Variants in TOP6BL observed in about 807,000 individuals in gnomAD.
The protein encoded by TOP6BL is type 2 DNA topoisomerase 6 subunit B-like.
the TOP6BL span, among the ~76,000 whole-genome samples, chr11:66,764,649 T>C: frequency 7.1e-6 from 1 of 140,324 alleles, no homozygotes; most frequent in East Asian, 2.1e-4. Flanking sequence ...CGGGCGACAA[T>C]GCGAGACTCC....
At chr11:66,833,188 A>G in the TOP6BL span, among the ~76,000 whole-genome samples, 1 of 151,718 alleles carries the variant, frequency 6.6e-6, no homozygotes, top group East Asian at 1.9e-4. Context: ...AGCTGGGATT[A>G]CAGGCGCCTA....
At chr11:66,796,252 T>C in the TOP6BL span, 168 of 1,478,126 alleles carry the variant, frequency 1.1e-4, no homozygotes, top group Middle Eastern at 1.7e-4. Flanking sequence ...TGTGTATGTG[T>C]GGTAGGTGTT....
At chr11:66,816,974 C>T in the TOP6BL span, among the ~76,000 whole-genome samples, 16 of 151,974 alleles carry the variant, frequency 1.1e-4, no homozygotes, top group East Asian at 2.3e-3. Context: ...GCTAACACGG[C>T]GAAACCCCAT....
the TOP6BL span, chr11:66,756,483 C>T: frequency 9.4e-7 from 1 of 1,065,168 alleles, no homozygotes; most frequent in Non-Finnish European, 1.2e-6. Context: ...CAGATGCCCA[C>T]CACCATGCCT....
the TOP6BL span, chr11:66,828,279 A>G: frequency 6.2e-7 from 1 of 1,613,474 alleles, no homozygotes; most frequent in Non-Finnish European, 8.5e-7. Flanking sequence ...GCTGACACAC[A>G]AGAGTTCAGG....
chr11:66,757,703 C>A, the TOP6BL span, among the ~76,000 whole-genome samples: 1 of 152,176 alleles, frequency 6.6e-6, no homozygotes, highest in Non-Finnish European at 1.5e-5. Context: ...TCTCCTGCCT[C>A]AGTCTCCCAA....
the TOP6BL span, among the ~76,000 whole-genome samples, chr11:66,812,008 A>C: frequency 6.6e-6 from 1 of 152,174 alleles, no homozygotes; most frequent in Non-Finnish European, 1.5e-5. Flanking sequence ...CTAATCCAAA[A>C]ATAGAAAAGA....
chr11:66,790,563 AG>A, the TOP6BL span, among the ~76,000 whole-genome samples: 19 of 152,350 alleles, frequency 1.2e-4, no homozygotes, highest in East Asian at 3.7e-3. Context: ...TTATTGCAAA[AG>A]TAGTGTTTCC....
the TOP6BL span, among the ~76,000 whole-genome samples, chr11:66,816,798 G>A: frequency 5.3e-5 from 8 of 151,858 alleles, no homozygotes; most frequent in Non-Finnish European, 1.2e-4. Flanking sequence ...GGCTGTTCTC[G>A]AACTCCTGGC....
the TOP6BL span, among the ~76,000 whole-genome samples, chr11:66,779,706 C>T: frequency 2.0e-5 from 3 of 152,064 alleles, no homozygotes; most frequent in Admixed American, 6.6e-5. Context: ...TAAAGACACA[C>T]GCACATGTAT....
chr11:66,806,432 G>A, the TOP6BL span, among the ~76,000 whole-genome samples: 1 of 152,108 alleles, frequency 6.6e-6, no homozygotes, highest in Non-Finnish European at 1.5e-5. Flanking sequence ...ATTGTCATAT[G>A]ATTGAAGCTA....
the TOP6BL span, chr11:66,821,766 TAATA>T: frequency 1.9e-6 from 3 of 1,612,892 alleles, no homozygotes; most frequent in Non-Finnish European, 2.5e-6. Context: ...GCTGCCAAGG[TAATA>T]AGGAATTCAC....
At chr11:66,827,966 G>GAA in the TOP6BL span, among the ~76,000 whole-genome samples, 311 of 30,086 alleles carry the variant, frequency 0.01, 25 homozygotes, top group African/African-American at 0.014. Context: ...CTCTGTCTCA[G>GAA]AAAAAAAAAA....
the TOP6BL span, among the ~76,000 whole-genome samples, chr11:66,836,176 T>G: frequency 6.6e-6 from 1 of 152,218 alleles, no homozygotes; most frequent in Admixed American, 6.5e-5. Context: ...CATTTGTATA[T>G]CTTCTTTGAA....
the TOP6BL span, among the ~76,000 whole-genome samples, chr11:66,794,824 C>A: frequency 6.6e-6 from 1 of 152,090 alleles, no homozygotes; most frequent in Admixed American, 6.6e-5. Flanking sequence ...CTTCTCTGAG[C>A]CTTTTTAAAA....
At chr11:66,768,949 A>C in the TOP6BL span, among the ~76,000 whole-genome samples, 1 of 152,172 alleles carries the variant, frequency 6.6e-6, no homozygotes, top group Non-Finnish European at 1.5e-5. Context: ...AGCCCATGAG[A>C]GCTAACCTGC....
chr11:66,783,885 G>T, the TOP6BL span, among the ~76,000 whole-genome samples: 3 of 152,134 alleles, frequency 2.0e-5, no homozygotes, highest in Non-Finnish European at 4.4e-5. Flanking sequence ...GAGTGCAGTG[G>T]CGTGATCATG....
the TOP6BL span, among the ~76,000 whole-genome samples, chr11:66,793,645 A>C: frequency 6.7e-6 from 1 of 149,844 alleles, no homozygotes; most frequent in Non-Finnish European, 1.5e-5. Flanking sequence ...GGGTTTCATC[A>C]TCTTGGCCAG....
the TOP6BL span, among the ~76,000 whole-genome samples, chr11:66,799,426 G>A: frequency 6.6e-6 from 1 of 151,692 alleles, no homozygotes; most frequent in African/African-American, 2.4e-5. Context: ...GCTGAGCACG[G>A]TGGCTCATGC....
Sources: allele counts gnomAD v4.1 joint callset (sites outside exome capture counted in the v4.1 genomes callset), GRCh38; gene constraint gnomAD v4.1.1; transcripts MANE v1.5; gene names NCBI Gene and HGNC (gene_info 2026-07-23, HGNC 2026-07-21).